Variants in BACE2 observed in about 807,000 individuals in gnomAD.
BACE2 encodes the protein 56 kDa aspartic-like protease.
BACE2 carries 17 observed loss-of-function variants against 46.2 expected under a neutral mutation model. That is an observed-to-expected ratio of 0.37 (90% confidence interval 0.25 to 0.55). The LOEUF (loss-of-function observed/expected upper bound fraction) is 0.55. Among genes scored for constraint, BACE2 ranks in the 20% least tolerant of loss-of-function variants. The pLI is 0.82. For missense variants in BACE2, 595 were observed against 698.1 expected (o/e 0.85, Z 1.66); for synonymous variants, 277 against 295.9 (o/e 0.94, Z 0.66).
Position 41,282,514 on chromosome 21 carries a change from A to G in BACE2, c.*6890A>G, listed in dbSNP as rs899448017. 12 of 152,338 alleles carry G rather than the reference A, an allele frequency of 7.9e-5. No individual in the cohort carries two copies. Among genetic ancestry groups the G allele is most frequent in the African/African-American group, 2.6e-4 (11 of 41,578 alleles). The allele number at this position is 152,338 out of a possible 1,614,324, so 9.4% of individuals were successfully genotyped here. On this transcript the variant is annotated 3_prime_UTR_variant, in exon 9 of 9. Coordinates refer to ENST00000330333, the MANE Select transcript of BACE2 (RefSeq NM_012105.5). ...AAATAAAACATTTTTGTTTATTTGAATAAATAATACTCCCAACCTGTTGCT... is the reference window on the plus strand; with the variant it reads ...AAATAAAACATTTTTGTTTATTTGAGTAAATAATACTCCCAACCTGTTGCT...
chr21:41,169,293 A>T (rs1294304386), intron 1 of BACE2, among the ~76,000 whole-genome samples: 1 of 151,926 alleles, frequency 6.6e-6, no homozygotes, highest in African/African-American at 2.4e-5. Context: ...AGCTACCGGG[A>T]AAAAAACAGG....
chr21:41,191,996 G>A (rs1275516729), intron 1 of BACE2, among the ~76,000 whole-genome samples: 1 of 152,050 alleles, frequency 6.6e-6, no homozygotes, highest in African/African-American at 2.4e-5. Context: ...CCAAACCATT[G>A]GCTACGGCCC....
intron 1 of BACE2, among the ~76,000 whole-genome samples, chr21:41,198,577 T>A (rs906622936): frequency 3.3e-5 from 5 of 152,238 alleles, no homozygotes; most frequent in Non-Finnish European, 5.9e-5. Context: ...TTGAACAATC[T>A]TTTTAAAGCA....
rs1984995874 is a variant in BACE2 at position 41,179,313 on chromosome 21, G to GGAT, written c.312+10738_312+10739insGAT. The GGAT allele has an allele frequency of 2.3e-6, 3 of 1,309,658 alleles. No homozygotes were observed. The Admixed American group carries it at 6.8e-5, about 30-fold the overall frequency. The allele number at this position is 1,309,658 out of a possible 1,614,324, so 81.1% of individuals were successfully genotyped here. ...GTGAGGATTGAGGGTGTCAGGGTGA[G>GGAT]TGAGAGTGTCCAGGGTGAGGAGTGA... On this transcript the variant is annotated intron_variant, in intron 1 of 8. Transcript: ENST00000330333.
In BACE2 at chr21:41,282,294, C is replaced by T. The variant is rs375395347; in HGVS notation, c.*6670C>T. On this transcript the variant is annotated 3_prime_UTR_variant, in exon 9 of 9. Coordinates refer to ENST00000330333, the MANE Select transcript of BACE2 (RefSeq NM_012105.5). ...TGGGAATTTTTCTCTATTTCCAGCA[C>T]GCTGATTTGATTTAAAAATGTAATA... 3 of 152,242 alleles carry T rather than the reference C, an allele frequency of 2.0e-5. No individual in the cohort carries two copies. The highest frequency in any genetic ancestry group is 4.1e-4 in the South Asian group (2 of 4,828). The allele number at this position is 152,242 out of a possible 1,614,324, so 9.4% of individuals were successfully genotyped here. A position where few individuals can be genotyped will look rare whatever the true frequency, so the allele number is the denominator to read the frequency against.
chr21:41,233,943 A>G (rs535831229), intron 2 of BACE2, among the ~76,000 whole-genome samples: 7 of 152,330 alleles, frequency 4.6e-5, no homozygotes, highest in African/African-American at 1.7e-4. Context: ...CCTTGGTGAC[A>G]TAGCGAGACT....
At chr21:41,241,659 C>T (rs1987291458) in intron 3 of BACE2, 160 bp from the exon 4 acceptor site, 3 of 739,998 alleles carry the variant, frequency 4.1e-6, no homozygotes, top group Non-Finnish European at 6.5e-6. Context: ...CTGGGGCTTT[C>T]TGAATTCCTA....
chr21:41,178,772 T>TG (rs1354669789), intron 1 of BACE2: 3 of 194,708 alleles, frequency 1.5e-5, no homozygotes, highest in African/African-American at 7.0e-5. Context: ...GTCAGGGCCT[T>TG]GGTCTAAGCC....
chr21:41,258,113 G>A (rs1233829909), intron 8 of BACE2, among the ~76,000 whole-genome samples: 5 of 152,112 alleles, frequency 3.3e-5, no homozygotes, highest in African/African-American at 4.8e-5. Flanking sequence ...TCAGGAGAAC[G>A]GCAGCCTTTC....
chr21:41,214,962 T>C (rs898745038), intron 1 of BACE2, among the ~76,000 whole-genome samples: 1 of 150,322 alleles, frequency 6.7e-6, no homozygotes, highest in Non-Finnish European at 1.5e-5. Context: ...GGAAGGACTG[T>C]GGGGGGCAAA....
At chr21:41,206,658 G>T (rs952008642) in intron 1 of BACE2, among the ~76,000 whole-genome samples, 1 of 152,226 alleles carries the variant, frequency 6.6e-6, no homozygotes, top group Non-Finnish European at 1.5e-5. Flanking sequence ...TGTTTAATGG[G>T]TAACGGGTTT....
rs77116812 is a variant in BACE2, at chr21:41,224,625, A to G, written c.313-1641A>G. On this transcript the variant is annotated intron_variant, in intron 1 of 8. Transcript: ENST00000330333. ...GGGCATGTGTCTGGACTTGGGATAG[A>G]TGCTGGGCATAAAATGATAAGTAAC... is the stretch of plus-strand genomic sequence containing the variant. 3.9e-5 allele frequency among the ~76,000 whole-genome samples: 6 copies of G among 152,344 alleles called. No individual in the cohort carries two copies. In the East Asian group the frequency reaches 1.2e-3, roughly 29 times the overall value.
At chr21:41,222,672 T>C (rs1268129707) in intron 1 of BACE2, among the ~76,000 whole-genome samples, 1 of 152,128 alleles carries the variant, frequency 6.6e-6, no homozygotes. Flanking sequence ...AATAGGACTG[T>C]GGTGGCTGCT....
intron 1 of BACE2, among the ~76,000 whole-genome samples, chr21:41,216,770 G>A (rs567707970): frequency 3.9e-5 from 6 of 152,342 alleles, no homozygotes; most frequent in South Asian, 4.1e-4. Flanking sequence ...CAGTCAGCGC[G>A]GACGTGCGTT....
In BACE2 at chr21:41,235,135, C is replaced by T. The variant is rs192923529; in HGVS notation, c.402-2378C>T. ...GCATGCAAACATGGAGGGACCTAAC[C>T]ACAAGAATAGGAGTCCTCCCACCTC... On this transcript the variant is annotated intron_variant, in intron 2 of 8. Coordinates refer to ENST00000330333, the MANE Select transcript of BACE2 (RefSeq NM_012105.5). 4.0e-4 allele frequency among the ~76,000 whole-genome samples: 61 copies of T among 152,260 alleles called. 1 individual carries two copies. In the East Asian group the frequency reaches 0.011, roughly 28 times the overall value.
At chr21:41,210,416 A>G (rs1230976686) in intron 1 of BACE2, among the ~76,000 whole-genome samples, 1 of 152,142 alleles carries the variant, frequency 6.6e-6, no homozygotes, top group Non-Finnish European at 1.5e-5. Flanking sequence ...CAAGATACCA[A>G]CTTATAAGCA....
At chr21:41,235,435 C>A (rs1987089410) in intron 2 of BACE2, among the ~76,000 whole-genome samples, 1 of 152,336 alleles carries the variant, frequency 6.6e-6, no homozygotes, top group South Asian at 2.1e-4. Context: ...GCACATGAAC[C>A]TCTGTCTGCT....
At chr21:41,190,155 C>G (rs979620203) in intron 1 of BACE2, among the ~76,000 whole-genome samples, 4 of 152,192 alleles carry the variant, frequency 2.6e-5, no homozygotes, top group Non-Finnish European at 5.9e-5. Flanking sequence ...TACTTTGTAT[C>G]CTTCAATCCA....
rs79766648 is a variant in BACE2 at position 41,247,843 on chromosome 21, G to T, written c.984+1780G>T. On this transcript the variant is annotated intron_variant, in intron 6 of 8. Coordinates refer to ENST00000330333, the MANE Select transcript of BACE2 (RefSeq NM_012105.5). Reference sequence around the variant, plus strand: ...AGGTTGTTTGTCTTGGGCAGGGAAAGCATCACAAGGGCGCGTTGTGTGTCT... The same window carrying T: ...AGGTTGTTTGTCTTGGGCAGGGAAATCATCACAAGGGCGCGTTGTGTGTCT... Among the ~76,000 whole-genome samples the T allele has an allele frequency of 4.6e-5, 7 of 152,338 alleles. No homozygotes were observed. The South Asian group carries it at 1.4e-3, about 32-fold the overall frequency.
Sources: gnomAD v4.1 joint callset for allele counts (sites outside exome capture counted in the v4.1 genomes callset) on GRCh38, gnomAD v4.1.1 for gene constraint, MANE v1.5 for transcripts, NCBI Gene and HGNC (gene_info 2026-07-23, HGNC 2026-07-21) for gene names.